NEDD9: variants seen among roughly 807,000 people sequenced by gnomAD.
The protein encoded by NEDD9 is enhancer of filamentation 1.
In NEDD9, 26 loss-of-function variants were observed where a neutral mutation model predicts 76.6. The observed-to-expected ratio is 0.34, with a 90% CI of 0.25 to 0.47. NEDD9 has a LOEUF of 0.47. NEDD9 is among the 20% of genes least tolerant of loss of function. The pLI, the probability that NEDD9 is intolerant of heterozygous loss-of-function variation, is 1.00. For synonymous variants in NEDD9, 392 were observed against 414.2 expected, an observed-to-expected ratio of 0.95 and a Z score of 0.65; for missense variants, 937 against 1,058.5, an observed-to-expected ratio of 0.89 and a Z score of 1.59.
rs148568769 is a variant in NEDD9, at chr6:11,381,833, C to G, written c.-214+306G>C. Among the ~76,000 whole-genome samples, 197 of 152,334 alleles carry G rather than the reference C, an allele frequency of 1.3e-3. 1 individual carries two copies. Among genetic ancestry groups the G allele is most frequent in the African/African-American group, 4.3e-3 (180 of 41,560 alleles). On this transcript the variant is annotated intron_variant, in intron 1 of 3. Coordinates refer to the NEDD9 transcript ENST00000397378. ...AAGCTTAGTTGCTGTCAGGTAAGCT[C>G]TCTGACGACAGTAGGAAGAGGGGAG...
At chr6:11,310,550 C>G (rs906266467) in intron 2 of NEDD9, among the ~76,000 whole-genome samples, 2 of 152,292 alleles carry the variant, frequency 1.3e-5, no homozygotes, top group Non-Finnish European at 2.9e-5. Context: ...CCATCTAGAC[C>G]CTTGTTACTG....
chr6:11,324,076 G>A (rs556230389), intron 2 of NEDD9, among the ~76,000 whole-genome samples: 8 of 152,212 alleles, frequency 5.3e-5, no homozygotes, highest in Non-Finnish European at 1.0e-4. Context: ...CCACAAGGAT[G>A]CCGGGGAGGG....
At chr6:11,208,541 T>A (rs949479639) in intron 2 of NEDD9, among the ~76,000 whole-genome samples, 2 of 152,262 alleles carry the variant, frequency 1.3e-5, no homozygotes, top group African/African-American at 2.4e-5. Context: ...TTTAACACTT[T>A]GATTCTTGCT....
intron 1 of NEDD9, among the ~76,000 whole-genome samples, chr6:11,343,511 T>C (rs765789265): frequency 3.3e-5 from 5 of 152,134 alleles, no homozygotes; most frequent in Non-Finnish European, 5.9e-5. Context: ...CACTACTCCC[T>C]AGCACATATC....
chr6:11,237,564 G>A (rs536510799), upstream of NEDD9, among the ~76,000 whole-genome samples: 3 of 152,100 alleles, frequency 2.0e-5, no homozygotes, highest in East Asian at 5.8e-4. This position sits in a 1 kb window ranked among gnomAD's most constrained non-coding sequence, Gnocchi z 4.9. Context: ...TTTTTAAGTG[G>A]TTGGGAAAAA....
intron 5 of NEDD9, among the ~76,000 whole-genome samples, chr6:11,188,962 T>C (rs1360878262): frequency 6.6e-6 from 1 of 151,578 alleles, no homozygotes; most frequent in East Asian, 1.9e-4. Flanking sequence ...TTTTTTTTTT[T>C]CTGAGACAGA....
At chr6:11,247,374 A>G (rs1277882219) in intron 3 of NEDD9, among the ~76,000 whole-genome samples, 2 of 152,226 alleles carry the variant, frequency 1.3e-5, no homozygotes, top group Non-Finnish European at 2.9e-5. Flanking sequence ...CCCGCCTTTC[A>G]TAACACTTGA....
chr6:11,254,538 T>G (rs751608639), intron 3 of NEDD9, among the ~76,000 whole-genome samples: 3 of 152,248 alleles, frequency 2.0e-5, no homozygotes, highest in Non-Finnish European at 4.4e-5. Context: ...CATAAATACA[T>G]TCTTTGGTGG....
At chr6:11,345,230 G>A (rs539872684) in intron 1 of NEDD9, among the ~76,000 whole-genome samples, 66 of 152,332 alleles carry the variant, frequency 4.3e-4, no homozygotes, top group Middle Eastern at 3.4e-3. Flanking sequence ...CAGCAGGGAA[G>A]AGCTGGGGCT....
intron 3 of NEDD9, among the ~76,000 whole-genome samples, chr6:11,283,927 A>C (rs1451195655): frequency 2.6e-5 from 4 of 152,164 alleles, no homozygotes; most frequent in African/African-American, 9.7e-5. Context: ...ATCATATCAC[A>C]ATATAAAACC....
chr6:11,191,165 C>A lies in NEDD9; in HGVS notation c.704G>T (p.Gly235Val). ...IPPSACRDEAGLREKDYDFPP... is the reference protein window; with the variant it reads ...IPPSACRDEAVLREKDYDFPP... ...GAAGTCATAGTCTTTTTCCCTAAGC[C>A]CTGCTTCATCCCGGCAAGCAGAGGG... Residue 235 changes from glycine (G) to valine (V), a missense_variant, in exon 5 of 7, where the codon GGG becomes GTG. Coordinates refer to ENST00000379446, the MANE Select transcript of NEDD9 (RefSeq NM_006403.4). 6.2e-7 allele frequency: 1 copy of A among 1,611,174 alleles called. No individual in the cohort carries two copies. Among genetic ancestry groups the A allele is most frequent in the Non-Finnish European group, 8.5e-7 (1 of 1,178,628 alleles).
At chr6:11,323,680 C>T (rs981286103) in intron 2 of NEDD9, among the ~76,000 whole-genome samples, 3 of 152,204 alleles carry the variant, frequency 2.0e-5, no homozygotes, top group African/African-American at 7.2e-5. Context: ...CTGCTCTAAG[C>T]TAATGCAGAA....
At position 11,191,051 on chromosome 6, in the gene NEDD9, T is replaced by G. The variant is rs775070994; in HGVS notation, c.818A>C (p.Lys273Thr). 1 of 1,614,028 alleles carries G rather than the reference T, an allele frequency of 6.2e-7. No homozygotes were observed. Among genetic ancestry groups the G allele is most frequent in the South Asian group, 1.1e-5 (1 of 91,074 alleles). The change falls in exon 5 of 7, where the codon AAG becomes ACG. Residue 273 changes from lysine to threonine, a missense_variant. By Grantham distance (78) the Lys-to-Thr change is moderately conservative. Transcript: ENST00000379446. ...ACAGTTGTATTTTACATGAAGGTCCTTCCCTGCTGGCTTGGTGCAGGTTGG... is the reference window on the plus strand; with the variant it reads ...ACAGTTGTATTTTACATGAAGGTCCGTCCCTGCTGGCTTGGTGCAGGTTGG... ...IPPTCTKPAG[K>T]DLHVKYNCDI...
chr6:11,304,985 A>G, intron 3 of NEDD9: 1 of 910,762 alleles, frequency 1.1e-6, no homozygotes, highest in South Asian at 1.5e-5. Flanking sequence ...ATGACAATCA[A>G]ACTTGTTTTT....
intron 1 of NEDD9, among the ~76,000 whole-genome samples, chr6:11,372,186 T>G (rs1298226983): frequency 1.3e-5 from 2 of 150,596 alleles, no homozygotes; most frequent in African/African-American, 4.9e-5. Context: ...ATCCCTCTAT[T>G]GTCTGTCTTT....
At chr6:11,310,464 C>T (rs1278690751) in intron 2 of NEDD9, among the ~76,000 whole-genome samples, 1 of 152,168 alleles carries the variant, frequency 6.6e-6, no homozygotes. Context: ...CTGCATCAAT[C>T]GCCCAGCTAT....
In NEDD9 at chr6:11,229,683, A is replaced by AC. The variant is rs138505146; in HGVS notation, c.12+2820dup. ...GTAATTTACTATCACATAACCACAG[A>AC]CTGAATCCCTTCTAAGAGAAATGGA... On this transcript the variant is annotated intron_variant, in intron 1 of 6. Coordinates refer to ENST00000379446, the MANE Select transcript of NEDD9 (RefSeq NM_006403.4). Among the ~76,000 whole-genome samples, 1,351 of 152,322 alleles carry AC rather than the reference A, an allele frequency of 8.9e-3. 23 individuals carry two copies. The highest frequency in any genetic ancestry group is 0.031 in the African/African-American group (1,293 of 41,556).
chr6:11,249,417 A>G (rs1296950978), intron 3 of NEDD9, among the ~76,000 whole-genome samples: 1 of 152,230 alleles, frequency 6.6e-6, no homozygotes, highest in Non-Finnish European at 1.5e-5. Flanking sequence ...ACAAGGTCCA[A>G]GGTGGCTCAA....
chr6:11,331,510 C>A (rs1017702604), intron 2 of NEDD9, among the ~76,000 whole-genome samples: 1 of 151,866 alleles, frequency 6.6e-6, no homozygotes, highest in Admixed American at 6.6e-5. Context: ...TTTATCCCAA[C>A]GCTAAAGGGT....
Sources: allele counts gnomAD v4.1 joint callset (sites outside exome capture counted in the v4.1 genomes callset), GRCh38; gene constraint gnomAD v4.1.1; non-coding constraint Gnocchi (gnomAD v3.1); transcripts MANE v1.5; gene names NCBI Gene and HGNC (gene_info 2026-07-23, HGNC 2026-07-21).